Variants in SAMD7 observed in about 807,000 individuals in gnomAD.
SAMD7 encodes the protein sterile alpha motif domain containing 7.
SAMD7 carries 34 observed loss-of-function variants against 36.7 expected under a neutral mutation model. The observed-to-expected ratio is 0.93, with a 90% CI of 0.71 to 1.23. The LOEUF (loss-of-function observed/expected upper bound fraction) is 1.23. SAMD7 is among the 50% of genes most tolerant of loss of function. The pLI is 0.00. For missense variants in SAMD7, 570 were observed against 546.6 expected (o/e 1.04, Z -0.43); for synonymous variants, 188 against 189.7 (o/e 0.99, Z 0.07).
chr3:169,927,358 G>T (rs538774264), intron 6 of SAMD7, among the ~76,000 whole-genome samples, 177 bp downstream of exon 6: 2 of 133,652 alleles, frequency 1.5e-5, no homozygotes, highest in African/African-American at 5.6e-5. Flanking sequence ...GCAGTGGCGC[G>T]ATCTCGGCTC....
chr3:169,924,934 C>T (rs762418053), intron 4 of SAMD7, 124 bp from the exon 5 acceptor site: 37 of 621,934 alleles, frequency 5.9e-5, no homozygotes, highest in Admixed American at 3.8e-4. Context: ...CAAAATTGTG[C>T]GCAATTGCTG....
At chr3:169,932,126 CT>C (rs1270280179) in intron 7 of SAMD7, 2 of 553,410 alleles carry the variant, frequency 3.6e-6, no homozygotes, top group East Asian at 4.0e-5. Context: ...CCCCTGAGGG[CT>C]TTTCACCGAA....
intron 7 of SAMD7, chr3:169,932,416 C>A: frequency 3.2e-6 from 2 of 624,644 alleles, no homozygotes; most frequent in South Asian, 2.8e-5. Context: ...GGAAGGGAAC[C>A]ATATGCCGGT....
intron 7 of SAMD7, among the ~76,000 whole-genome samples, chr3:169,935,378 C>T (rs144035222): frequency 1.3e-5 from 2 of 152,264 alleles, no homozygotes; most frequent in African/African-American, 4.8e-5. Context: ...GTGGAGAGAT[C>T]GTCTTTAAAT....
intron 3 of SAMD7, 33 bp downstream of exon 3, chr3:169,919,617 G>A (rs1249415441): frequency 1.4e-6 from 2 of 1,436,846 alleles, no homozygotes; most frequent in South Asian, 2.3e-5. Context: ...TTTGATCAAA[G>A]AACAACATGG....
At chr3:169,930,578 C>CTTTTTTTTTT (rs772549629) in intron 7 of SAMD7, among the ~76,000 whole-genome samples, 18 of 101,712 alleles carry the variant, frequency 1.8e-4, no homozygotes, top group South Asian at 3.3e-4. Flanking sequence ...CCTTTCTTTT[C>CTTTTTTTTTT]TTTTTTTTTT....
chr3:169,923,421 C>T (rs77988555), intron 4 of SAMD7, among the ~76,000 whole-genome samples: 6,403 of 152,254 alleles, frequency 0.042, 407 homozygotes, highest in African/African-American at 0.14. Flanking sequence ...CCCATGATTA[C>T]CGACAACAGG....
intron 4 of SAMD7, among the ~76,000 whole-genome samples, chr3:169,922,784 C>A (rs1713101494): frequency 6.6e-6 from 1 of 150,500 alleles, no homozygotes; most frequent in Non-Finnish European, 1.5e-5. Context: ...CAGGTGTGAG[C>A]CACCATGCCC....
rs71634451 is a variant in SAMD7, at chr3:169,927,285, C to CTTTTT, written c.919+127_919+131dup. 1.1e-3 allele frequency: 151 copies of CTTTTT among 141,806 alleles called. 2 individuals are homozygous for CTTTTT. Among genetic ancestry groups the CTTTTT allele is most frequent in the Non-Finnish European group, 1.3e-3 (109 of 81,042 alleles). 8.8% of individuals were successfully genotyped at this position (141,806 alleles called of 1,614,324 possible). A position where few individuals can be genotyped will look rare whatever the true frequency, so the allele number is the denominator to read the frequency against. On this transcript the variant is annotated intron_variant, in intron 6 of 8. Coordinates refer to ENST00000335556, the MANE Select transcript of SAMD7 (RefSeq NM_001304366.2). ...AACCATCCTGCCTCTTTTTATCTTTCTTTTTTTTTTTTTTTTTTTTTTTTT... is the reference window on the plus strand; with the variant it reads ...AACCATCCTGCCTCTTTTTATCTTTCTTTTTTTTTTTTTTTTTTTTTTTTTTTTTT...
chr3:169,922,787 C>A (rs1468547269), intron 4 of SAMD7, among the ~76,000 whole-genome samples: 1 of 149,244 alleles, frequency 6.7e-6, no homozygotes, highest in Non-Finnish European at 1.5e-5. Flanking sequence ...GTGTGAGCCA[C>A]CATGCCCAGC....
chr3:169,932,697 TC>T, intron 7 of SAMD7: 1 of 555,904 alleles, frequency 1.8e-6, no homozygotes, highest in Non-Finnish European at 3.6e-6. Context: ...GTGTGGCCTC[TC>T]CAGAAACACT....
At chr3:169,917,362 CTT>C (rs1282157420) in intron 2 of SAMD7, among the ~76,000 whole-genome samples, 1 of 152,038 alleles carries the variant, frequency 6.6e-6, no homozygotes, top group Non-Finnish European at 1.5e-5. Context: ...TTCCTAGTAT[CTT>C]TTTCTTTAAA....
chr3:169,930,587 T>C (rs1713448295), intron 7 of SAMD7, among the ~76,000 whole-genome samples: 1 of 145,924 alleles, frequency 6.9e-6, no homozygotes. Flanking sequence ...TCTTTTTTTT[T>C]TTTTTTTTTT....
intron 4 of SAMD7, among the ~76,000 whole-genome samples, chr3:169,924,487 T>G (rs1369412489): frequency 6.6e-6 from 1 of 152,026 alleles, no homozygotes; most frequent in Non-Finnish European, 1.5e-5. Context: ...CTTGGGAGGC[T>G]GAGGCAGGAG....
Position 169,915,765 on chromosome 3 carries a change from A to G in SAMD7, c.-42+324A>G, listed in dbSNP as rs12486953. Among the ~76,000 whole-genome samples, 628 of 151,528 alleles carry G rather than the reference A, an allele frequency of 4.1e-3. 6 individuals are homozygous for G. Among genetic ancestry groups the G allele is most frequent in the South Asian group, 0.026 (122 of 4,780 alleles). On this transcript the variant is annotated intron_variant, in intron 2 of 8. Coordinates refer to ENST00000335556, the MANE Select transcript of SAMD7 (RefSeq NM_001304366.2). The stretch of plus-strand genomic sequence containing the variant: ...GCTAATTTTTGTATTTTTAGTAGAG[A>G]CGGGGTTTCACCATGTTGGCCAGGC...
Position 169,926,704 on chromosome 3 carries a change from G to A in SAMD7, c.442G>A (p.Gly148Ser), listed in dbSNP as rs768517726. ...AYHGRSMLPA[G>S]DLHFHRSTLR... ...CCATGGCAGGAGCATGCTCCCTGCC[G>A]GTGACCTGCATTTTCACAGAAGCAC... The change falls in exon 6 of 9, where the codon GGT becomes AGT. Residue 148 changes from glycine (G) to serine (S), a missense_variant. Transcript: ENST00000335556. 102 of 1,613,782 alleles carry A rather than the reference G, an allele frequency of 6.3e-5. No individual in the cohort carries two copies. Among genetic ancestry groups the A allele is most frequent in the Admixed American group, 1.0e-4 (6 of 59,970 alleles).
chr3:169,925,873 G>T (rs78494907), intron 5 of SAMD7, among the ~76,000 whole-genome samples: 2 of 152,226 alleles, frequency 1.3e-5, no homozygotes, highest in African/African-American at 4.8e-5. Context: ...TCAATTTTGC[G>T]CAAAGATAGG....
chr3:169,919,197 T>G (rs1307736667), intron 2 of SAMD7, among the ~76,000 whole-genome samples: 3 of 152,150 alleles, frequency 2.0e-5, no homozygotes, highest in Non-Finnish European at 2.9e-5. Context: ...TCTGGAATCT[T>G]GCAAGGCTGA....
chr3:169,923,304 T>G (rs116512297), intron 4 of SAMD7, among the ~76,000 whole-genome samples: 2,197 of 152,288 alleles, frequency 0.014, 54 homozygotes, highest in African/African-American at 0.05. Flanking sequence ...AAGGGCCAGA[T>G]CTGGAACTGG....
Sources: gnomAD v4.1 joint callset for allele counts (sites outside exome capture counted in the v4.1 genomes callset) on GRCh38, gnomAD v4.1.1 for gene constraint, MANE v1.5 for transcripts, NCBI Gene and HGNC (gene_info 2026-07-23, HGNC 2026-07-21) for gene names.